The following CFAP299 variants were observed in gnomAD, a reference collection of about 807,000 sequenced individuals.
The protein encoded by CFAP299 is cilia and flagella associated protein 299.
A neutral mutation model predicts 27.0 loss-of-function variants in CFAP299; 21 were observed. The observed-to-expected ratio is 0.78, with a 90% CI of 0.55 to 1.12. The LOEUF (loss-of-function observed/expected upper bound fraction) is 1.12, where lower values mean the gene tolerates loss of function less well. Among genes scored for constraint, CFAP299 ranks in the 50% most tolerant of loss-of-function variants. The probability of loss-of-function intolerance (pLI) is 0.00; values close to 1 mark genes in which losing one functional copy is unlikely to be tolerated. For synonymous variants in CFAP299, 104 were observed against 98.1 expected, an observed-to-expected ratio of 1.06 and a Z score of -0.36; for missense variants, 310 against 276.6, an observed-to-expected ratio of 1.12 and a Z score of -0.86.
At chr4:80,338,760 G>T (rs180733019) in intron 1 of CFAP299, among the ~76,000 whole-genome samples, 3 of 152,134 alleles carry the variant, frequency 2.0e-5, no homozygotes, top group Non-Finnish European at 2.9e-5. Context: ...AGTATATAAT[G>T]CTTACAGTCC....
At chr4:80,484,372 C>A (rs1159360446) in intron 2 of CFAP299, among the ~76,000 whole-genome samples, 1 of 152,046 alleles carries the variant, frequency 6.6e-6, no homozygotes, top group African/African-American at 2.4e-5. Flanking sequence ...TATAACCTGG[C>A]GGTTAGCAAT....
intron 2 of CFAP299, among the ~76,000 whole-genome samples, chr4:80,544,244 C>G (rs990554994): frequency 6.6e-6 from 1 of 152,162 alleles, no homozygotes; most frequent in East Asian, 1.9e-4. Flanking sequence ...CCTGCAACCA[C>G]AAAAACATAC....
At chr4:80,462,824 T>A (rs576517455) in intron 2 of CFAP299, among the ~76,000 whole-genome samples, 1 of 152,250 alleles carries the variant, frequency 6.6e-6, no homozygotes, top group South Asian at 2.1e-4. Flanking sequence ...CTCTTTCTAG[T>A]TTTTTTCCTC....
chr4:80,337,362 G>C (rs1320278927), intron 1 of CFAP299, among the ~76,000 whole-genome samples: 1 of 151,754 alleles, frequency 6.6e-6, no homozygotes, highest in African/African-American at 2.4e-5. Context: ...ATTAATTACA[G>C]ATGTGAAATT....
chr4:80,946,025 T>G (rs1039063809), intron 5 of CFAP299, among the ~76,000 whole-genome samples: 1 of 150,936 alleles, frequency 6.6e-6, no homozygotes, highest in Non-Finnish European at 1.5e-5. Context: ...TGGTGTCGCA[T>G]GCCTGTAATC....
intron 2 of CFAP299, among the ~76,000 whole-genome samples, chr4:80,558,338 G>T (rs910809978): frequency 1.8e-4 from 25 of 140,486 alleles, no homozygotes; most frequent in Admixed American, 2.1e-4. Flanking sequence ...GACTTTTGTG[G>T]TTTTTTTGTT....
At chr4:80,373,813 G>T (rs1724270955) in intron 2 of CFAP299, among the ~76,000 whole-genome samples, 1 of 152,084 alleles carries the variant, frequency 6.6e-6, no homozygotes, top group African/African-American at 2.4e-5. Flanking sequence ...AGGCTTTTCT[G>T]CATTCAGCCC....
chr4:80,961,130 G>T (rs939535871), intron 5 of CFAP299, among the ~76,000 whole-genome samples: 2 of 151,498 alleles, frequency 1.3e-5, no homozygotes, highest in African/African-American at 4.8e-5. Flanking sequence ...TTGAAATAAA[G>T]TTGTCTGAAT....
At chr4:80,409,627 C>T (rs1182927083) in intron 2 of CFAP299, among the ~76,000 whole-genome samples, 1 of 152,050 alleles carries the variant, frequency 6.6e-6, no homozygotes, top group Non-Finnish European at 1.5e-5. Context: ...ATTTTTATTT[C>T]GTTTTCACAG....
At chr4:80,599,775 C>T (rs1434180001) in intron 3 of CFAP299, among the ~76,000 whole-genome samples, 1 of 152,012 alleles carries the variant, frequency 6.6e-6, no homozygotes, top group Non-Finnish European at 1.5e-5. Context: ...AGGTCTGAAA[C>T]TTGTGCTTAA....
intron 4 of CFAP299, among the ~76,000 whole-genome samples, chr4:80,885,884 A>G (rs1733945715): frequency 6.6e-6 from 1 of 152,160 alleles, no homozygotes; most frequent in Non-Finnish European, 1.5e-5. Flanking sequence ...AGTGAGGTAG[A>G]GCAACAAGCA....
chr4:80,932,636 C>A (rs887529318), intron 4 of CFAP299, among the ~76,000 whole-genome samples: 2 of 152,024 alleles, frequency 1.3e-5, no homozygotes, highest in African/African-American at 4.8e-5. Context: ...AAGGATCAAC[C>A]ATAAAAAAAC....
chr4:80,640,352 T>C (rs1419422300), intron 3 of CFAP299, among the ~76,000 whole-genome samples: 5 of 152,172 alleles, frequency 3.3e-5, no homozygotes, highest in African/African-American at 1.2e-4. Context: ...CAGGTTGTTT[T>C]AGCAGATAGC....
chr4:80,626,970 A>C (rs972463551), intron 3 of CFAP299, among the ~76,000 whole-genome samples: 4 of 151,720 alleles, frequency 2.6e-5, no homozygotes, highest in Admixed American at 2.0e-4. Flanking sequence ...AGGAGATGAA[A>C]CTTTCAAACT....
At chr4:80,763,072 G>A (rs1725630504) in intron 3 of CFAP299, among the ~76,000 whole-genome samples, 1 of 151,990 alleles carries the variant, frequency 6.6e-6, no homozygotes, top group South Asian at 2.1e-4. Flanking sequence ...TGTACCCTCT[G>A]TAAAAGAGTG....
At chr4:80,769,329 C>T (rs1194782957) in intron 3 of CFAP299, among the ~76,000 whole-genome samples, 4 of 151,956 alleles carry the variant, frequency 2.6e-5, no homozygotes, top group Admixed American at 1.3e-4. Context: ...TGACATGGCT[C>T]GTTGGGTATA....
At chr4:80,846,094 T>C (rs1272029690) in intron 3 of CFAP299, among the ~76,000 whole-genome samples, 1 of 152,126 alleles carries the variant, frequency 6.6e-6, no homozygotes, top group Admixed American at 6.6e-5. Flanking sequence ...GCATCCTTAA[T>C]CACAAGCAGC....
chr4:80,489,391 T>G (rs1319495224), intron 2 of CFAP299, among the ~76,000 whole-genome samples: 2 of 152,168 alleles, frequency 1.3e-5, no homozygotes, highest in African/African-American at 4.8e-5. Flanking sequence ...TATCAGAAAT[T>G]CCACTTACGG....
intron 4 of CFAP299, chr4:80,871,533 C>G: frequency 3.0e-6 from 3 of 985,378 alleles, no homozygotes; most frequent in Non-Finnish European, 2.4e-6. Flanking sequence ...ATTCCTGAAG[C>G]CTGCTATTGC....
Sources: gnomAD v4.1 joint callset for allele counts (sites outside exome capture counted in the v4.1 genomes callset) on GRCh38, gnomAD v4.1.1 for gene constraint, MANE v1.5 for transcripts, NCBI Gene and HGNC (gene_info 2026-07-23, HGNC 2026-07-21) for gene names.